Variants in SPCS3 observed in about 807,000 individuals in gnomAD.
SPCS3 encodes SPase 22 kDa subunit.
In SPCS3, 9 loss-of-function variants were observed where a neutral mutation model predicts 17.2. The observed-to-expected ratio is 0.52, with a 90% CI of 0.31 to 0.91. The LOEUF (loss-of-function observed/expected upper bound fraction) is 0.91. Ranked by LOEUF, SPCS3 falls within the 40% of genes least tolerant of loss-of-function variation. The probability of loss-of-function intolerance (pLI) is 0.04; values close to 1 mark genes in which losing one functional copy is unlikely to be tolerated. For missense variants in SPCS3, 139 were observed against 217.5 expected, an observed-to-expected ratio of 0.64 and a Z score of 2.27; for synonymous variants, 87 against 89.6, an observed-to-expected ratio of 0.97 and a Z score of 0.16.
rs770707355 is a variant in SPCS3 at position 176,320,030 on chromosome 4, G to C, written c.-47G>C. 2 of 1,468,216 alleles carry C rather than the reference G, an allele frequency of 1.4e-6. No individual in the cohort carries two copies. The highest frequency in any genetic ancestry group is 2.8e-5 in the East Asian group (1 of 35,802). The allele number at this position is 1,468,216 out of a possible 1,614,324, so 90.9% of individuals were successfully genotyped here. A position where few individuals can be genotyped will look rare whatever the true frequency, so the allele number is the denominator to read the frequency against. ...GGGAGCCGGTCCGCCGCCGGAACGG[G>C]AGCCTGGGTGTGCGTGTGGAGTCCG... On this transcript the variant is annotated 5_prime_UTR_variant, in exon 1 of 5. Transcript: ENST00000503362.
intron 2 of SPCS3, among the ~76,000 whole-genome samples, chr4:176,323,854 T>G (rs75407850): frequency 0.066 from 10,074 of 152,152 alleles, 378 homozygotes; most frequent in African/African-American, 0.09. Flanking sequence ...CTCTTTTTTT[T>G]TTTTTTAACT....
In SPCS3 at chr4:176,324,181, A is replaced by G; in HGVS notation, c.218A>G (p.Asp73Gly). 8.7e-7 allele frequency: 1 copy of G among 1,149,544 alleles called. No individual in the cohort carries two copies. Among genetic ancestry groups the G allele is most frequent in the South Asian group, 1.5e-5 (1 of 64,780 alleles). The allele number at this position is 1,149,544 out of a possible 1,614,324, so 71.2% of individuals were successfully genotyped here. The change falls in exon 3 of 5, where the codon GAT becomes GGT. Residue 73 changes from aspartate to glycine, a missense_variant and splice_region_variant. Transcript: ENST00000503362. ...TTTATATTTTCCTTAATTTACTTAC[A>G]TCTAGAGAATATATTTGATTGGAAT... The part of the protein sequence containing the change: ...LGFITFDITA[D>G]LENIFDWNVK...
intron 1 of SPCS3, 21 bp downstream of exon 1, chr4:176,320,240 G>T: frequency 6.6e-7 from 1 of 1,525,596 alleles, no homozygotes; most frequent in Non-Finnish European, 8.8e-7. Flanking sequence ...CCGGGCCGGC[G>T]GTGCAGGACG....
intron 4 of SPCS3, among the ~76,000 whole-genome samples, chr4:176,327,946 G>T (rs560260530): frequency 6.6e-6 from 1 of 152,230 alleles, no homozygotes; most frequent in South Asian, 2.1e-4. Flanking sequence ...TCGGTTGATG[G>T]TTCTAACTGC....
Position 176,324,214 on chromosome 4 carries a change from AGTT to A in SPCS3, c.255_257del (p.Leu85del). On this transcript the variant is annotated inframe_deletion, in exon 3 of 5. Coordinates refer to ENST00000503362, the MANE Select transcript of SPCS3 (RefSeq NM_021928.4). ...AATATATTTGATTGGAATGTTAAGC[AGTT>A]GTTTCTTTATTTATCAGCAGAATAT... 8.4e-7 allele frequency: 1 copy of A among 1,188,588 alleles called. No homozygotes were observed. 73.6% of individuals were successfully genotyped at this position (1,188,588 alleles called of 1,614,324 possible). A position where few individuals can be genotyped will look rare whatever the true frequency, so the allele number is the denominator to read the frequency against.
chr4:176,324,069 G>A (rs532046555), intron 2 of SPCS3, 112 bp from the exon 3 acceptor site: 20 of 502,174 alleles, frequency 4.0e-5, no homozygotes, highest in East Asian at 1.3e-4. Context: ...TTTCTGGGCC[G>A]CCTCTTTTCT....
intron 2 of SPCS3, among the ~76,000 whole-genome samples, chr4:176,323,145 G>A (rs374931971): frequency 6.6e-6 from 1 of 152,052 alleles, no homozygotes; most frequent in East Asian, 1.9e-4. Context: ...AGTTCTGTAG[G>A]TACCTTTTTA....
At chr4:176,325,346 G>A (rs953408426) in intron 3 of SPCS3, among the ~76,000 whole-genome samples, 11 of 151,880 alleles carry the variant, frequency 7.2e-5, no homozygotes, top group African/African-American at 2.4e-4. Flanking sequence ...AAGCCACCGC[G>A]CCCGGCCGTT....
Position 176,328,238 on chromosome 4 carries a change from G to A in SPCS3, c.451G>A (p.Val151Ile), listed in dbSNP as rs756340046. The A allele has an allele frequency of 1.6e-5, 26 of 1,612,910 alleles. No individual in the cohort carries two copies. Among genetic ancestry groups the A allele is most frequent in the East Asian group, 6.7e-5 (3 of 44,836 alleles). Residue 151 changes from valine to isoleucine, a missense_variant, in exon 5 of 5, where the codon GTA becomes ATA. Val to Ile is a conservative substitution (Grantham distance 29). Transcript: ENST00000503362. ...CACTTTGACCCTGTCTTGGAACGTC[G>A]TACCAAATGCTGGAATTCTACCTCT... Reference protein sequence around the residue: ...NVTLTLSWNVVPNAGILPLVT... With the variant: ...NVTLTLSWNVIPNAGILPLVT...
intron 1 of SPCS3, 200 bp downstream of exon 1, chr4:176,320,419 A>AC (rs1319833440): frequency 6.1e-6 from 2 of 330,100 alleles, no homozygotes; most frequent in African/African-American, 4.4e-5. Flanking sequence ...CGGAACTTGC[A>AC]CCCCTCCACC....
intron 3 of SPCS3, among the ~76,000 whole-genome samples, 151 bp downstream of exon 3, chr4:176,324,408 T>G (rs1254123799): frequency 1.3e-5 from 2 of 152,182 alleles, no homozygotes. Context: ...ATGAAAACAT[T>G]TGATCTTTTG....
At chr4:176,327,327 G>T in intron 4 of SPCS3, 50 bp downstream of exon 4, 1 of 1,110,514 alleles carries the variant, frequency 9.0e-7, no homozygotes, top group Non-Finnish European at 1.2e-6. Context: ...GTGAAAAAGA[G>T]AGAAAGATGT....
chr4:176,323,860 T>TA (rs1356314876), intron 2 of SPCS3, among the ~76,000 whole-genome samples: 1 of 151,882 alleles, frequency 6.6e-6, no homozygotes, highest in Non-Finnish European at 1.5e-5. Context: ...TTTTTTTTTT[T>TA]AACTTAGTTG....
At chr4:176,327,526 A>G in intron 4 of SPCS3, 2 of 267,600 alleles carry the variant, frequency 7.5e-6, no homozygotes, top group South Asian at 5.1e-5. Context: ...TACAAGGAAT[A>G]CGGGCTTGTT....
rs995192511 is a variant in SPCS3, at chr4:176,329,905, T to G, written c.*1575T>G. 3 of 152,196 alleles carry G rather than the reference T, an allele frequency of 2.0e-5. No homozygotes were observed. Among genetic ancestry groups the G allele is most frequent in the Admixed American group, 2.0e-4 (3 of 15,286 alleles). The allele number at this position is 152,196 out of a possible 1,614,324, so 9.4% of individuals were successfully genotyped here. ...ATTTAATTACATTAATTTTAACATC[T>G]GTTGTGTGGAGTTGTATAGTTCATG... is the stretch of plus-strand genomic sequence containing the variant. On this transcript the variant is annotated 3_prime_UTR_variant, in exon 5 of 5. Coordinates refer to ENST00000503362, the MANE Select transcript of SPCS3 (RefSeq NM_021928.4).
rs541467675 is a variant in SPCS3, at chr4:176,325,604, A to T, written c.294+1347A>T. Among the ~76,000 whole-genome samples, 12 of 151,310 alleles carry T rather than the reference A, an allele frequency of 7.9e-5. No individual in the cohort carries two copies. The South Asian group carries it at 2.5e-3, about 31-fold the overall frequency. ...GAACATGGTGCAAGGTGTTTTTGGT[A>T]GTCTACATTAAGCCATATAGCTACA... is the stretch of plus-strand genomic sequence containing the variant. On this transcript the variant is annotated intron_variant, in intron 3 of 4. Transcript: ENST00000503362.
Position 176,322,131 on chromosome 4 carries a change from C to G in SPCS3, c.144-39C>G, listed in dbSNP as rs776113975. The G allele has an allele frequency of 4.5e-5, 60 of 1,332,656 alleles. 1 individual carries two copies. The South Asian group carries it at 7.0e-4, about 16-fold the overall frequency. 82.6% of individuals were successfully genotyped at this position (1,332,656 alleles called of 1,614,324 possible). A position where few individuals can be genotyped will look rare whatever the true frequency, so the allele number is the denominator to read the frequency against. Reference sequence around the variant, plus strand: ...AGAAGTTACGTGAATTGTGTATGTTCTGTTGGAAGGATGGTAAAACTTTTA... The same window carrying G: ...AGAAGTTACGTGAATTGTGTATGTTGTGTTGGAAGGATGGTAAAACTTTTA... On this transcript the variant is annotated intron_variant, in intron 1 of 4. Coordinates refer to ENST00000503362, the MANE Select transcript of SPCS3 (RefSeq NM_021928.4).
intron 3 of SPCS3, 59 bp from the exon 4 acceptor site, chr4:176,327,103 T>G (rs1250276646): frequency 7.9e-6 from 8 of 1,015,736 alleles, no homozygotes; most frequent in Non-Finnish European, 1.1e-5. Context: ...TACTTTTAAT[T>G]TGAAGTGATA....
intron 1 of SPCS3, 27 bp downstream of exon 1, chr4:176,320,246 G>A: frequency 6.6e-7 from 1 of 1,507,806 alleles, no homozygotes; most frequent in Non-Finnish European, 8.9e-7. Context: ...CGGCGGTGCA[G>A]GACGCCGGGA....
Sources: allele counts gnomAD v4.1 joint callset (sites outside exome capture counted in the v4.1 genomes callset), GRCh38; gene constraint gnomAD v4.1.1; transcripts MANE v1.5; gene names NCBI Gene and HGNC (gene_info 2026-07-23, HGNC 2026-07-21).